TES: variants seen among roughly 807,000 people sequenced by gnomAD.
TES encodes the protein testin.
Under a neutral mutation model 48.2 loss-of-function variants are expected in TES, and 41 were observed. The observed-to-expected ratio is 0.85, with a 90% CI of 0.66 to 1.10. The LOEUF is 1.10. TES is among the 50% of genes least tolerant of loss of function. The probability of loss-of-function intolerance (pLI) is 0.00; values close to 1 mark genes in which losing one functional copy is unlikely to be tolerated. For synonymous variants in TES, 162 were observed against 174.9 expected (o/e 0.93, Z 0.58); for missense variants, 463 against 515.1 (o/e 0.90, Z 0.98).
At chr7:116,227,084 T>C (rs1018723232) in intron 1 of TES, among the ~76,000 whole-genome samples, 4 of 145,212 alleles carry the variant, frequency 2.8e-5, no homozygotes, top group African/African-American at 1.0e-4. Flanking sequence ...ACCTACACTT[T>C]TTATTTTATT....
intron 2 of TES, among the ~76,000 whole-genome samples, chr7:116,242,811 T>C (rs953092220): frequency 1.3e-5 from 2 of 152,208 alleles, no homozygotes; most frequent in African/African-American, 4.8e-5. Context: ...CATCTGTGAA[T>C]AGCAACAGTT....
At chr7:116,251,697 A>T in intron 4 of TES, 63 bp from the exon 5 acceptor site, 1 of 1,348,980 alleles carries the variant, frequency 7.4e-7, no homozygotes, top group South Asian at 1.3e-5. Context: ...AAAAAAAAAG[A>T]AAGAAAGAAA....
Position 116,257,392 on chromosome 7 carries a change from TTGC to T in TES, c.1180_1182del (p.Cys394del). On this transcript the variant is annotated inframe_deletion, in exon 7 of 7. Transcript: ENST00000358204. The stretch of plus-strand genomic sequence containing the variant: ...CATCCACAGAGTGCTTTCTGTGCTC[TTGC>T]TGCAGCAAATGCCTCATTGGGCAGA... 1.2e-6 allele frequency: 2 copies of T among 1,614,140 alleles called. No homozygotes were observed. Among genetic ancestry groups the T allele is most frequent in the South Asian group, 2.2e-5 (2 of 91,082 alleles).
At chr7:116,247,016 G>A (rs73719151) in intron 2 of TES, among the ~76,000 whole-genome samples, 19,461 of 146,720 alleles carry the variant, frequency 0.13, 1,286 homozygotes, top group South Asian at 0.18. Context: ...ATGGGCACTC[G>A]TGTATGTTGC....
intron 2 of TES, among the ~76,000 whole-genome samples, chr7:116,239,671 C>T (rs936389718): frequency 7.2e-5 from 11 of 152,188 alleles, no homozygotes; most frequent in African/African-American, 2.7e-4. Context: ...CACAGACATC[C>T]TTGTGGACAA....
At chr7:116,227,740 GCACA>G (rs974620466) in intron 1 of TES, among the ~76,000 whole-genome samples, 1 of 151,938 alleles carries the variant, frequency 6.6e-6, no homozygotes, top group Non-Finnish European at 1.5e-5. Context: ...AAACATGCAT[GCACA>G]CACACACTGA....
intron 1 of TES, among the ~76,000 whole-genome samples, chr7:116,231,716 T>G (rs979571648): frequency 7.9e-5 from 12 of 152,328 alleles, no homozygotes; most frequent in Non-Finnish European, 1.5e-4. Context: ...AGATGAAGCC[T>G]CCTGGTAGCA....
At chr7:116,213,067 TC>T (rs904258285) in intron 1 of TES, among the ~76,000 whole-genome samples, 20 of 152,304 alleles carry the variant, frequency 1.3e-4, no homozygotes, top group African/African-American at 4.8e-4. Context: ...ACAAAAAGTT[TC>T]CCAGTACAAA....
At chr7:116,245,541 C>G (rs1039002712) in intron 2 of TES, among the ~76,000 whole-genome samples, 5 of 152,178 alleles carry the variant, frequency 3.3e-5, no homozygotes, top group African/African-American at 4.8e-5. Context: ...CCCACATCTT[C>G]CTGTCTTCTG....
chr7:116,223,793 G>T (rs978468396), intron 1 of TES, among the ~76,000 whole-genome samples: 1 of 152,276 alleles, frequency 6.6e-6, no homozygotes, highest in Middle Eastern at 3.4e-3. Context: ...TGGTAGATAA[G>T]TACCCCATAT....
chr7:116,210,553 G>C lies in TES; in HGVS notation c.-155G>C. 2 of 815,160 alleles carry C rather than the reference G, an allele frequency of 2.5e-6. No homozygotes were observed. The highest frequency in any genetic ancestry group is 1.7e-6 in the Non-Finnish European group (1 of 598,142). The allele number at this position is 815,160 out of a possible 1,614,324, so 50.5% of individuals were successfully genotyped here. On this transcript the variant is annotated 5_prime_UTR_variant, in exon 1 of 7. Transcript: ENST00000358204. Reference sequence around the variant, plus strand: ...GCCGCAGGCCCGCTGCGGCGGACTGGGCGGCGGAAGTTCGACGGCGCCGGG... The same window carrying C: ...GCCGCAGGCCCGCTGCGGCGGACTGCGCGGCGGAAGTTCGACGGCGCCGGG...
Position 116,254,754 on chromosome 7 carries a change from ATATATG to A in TES, c.1077+2280_1077+2285del, listed in dbSNP as rs1189743874. On this transcript the variant is annotated intron_variant, in intron 6 of 6. Coordinates refer to ENST00000358204, the MANE Select transcript of TES (RefSeq NM_015641.4). Reference sequence around the variant, plus strand: ...ACACTCCGTCTCAAAAAAAATATATATATATGTGTGTGTGTGTGTGTGTGTGTGTGT... The same window carrying A: ...ACACTCCGTCTCAAAAAAAATATATATGTGTGTGTGTGTGTGTGTGTGTGT... Among the ~76,000 whole-genome samples, 163 of 119,316 alleles carry A rather than the reference ATATATG, an allele frequency of 1.4e-3. 1 individual carries two copies. Among genetic ancestry groups the A allele is most frequent in the Middle Eastern group, 4.2e-3 (1 of 240 alleles). 78.3% of individuals were successfully genotyped at this position (119,316 alleles called of 152,430 possible).
chr7:116,254,375 G>T (rs946976950), intron 6 of TES, among the ~76,000 whole-genome samples: 2 of 151,944 alleles, frequency 1.3e-5, no homozygotes. Flanking sequence ...CTAATCAATG[G>T]CAGGGTATAA....
chr7:116,256,950 C>T (rs1272227274), intron 6 of TES, among the ~76,000 whole-genome samples: 1 of 152,182 alleles, frequency 6.6e-6, no homozygotes, highest in African/African-American at 2.4e-5. Context: ...AAATCATAAA[C>T]TTCTGTGTAA....
intron 1 of TES, among the ~76,000 whole-genome samples, chr7:116,228,682 T>A (rs1799655330): frequency 6.6e-6 from 1 of 152,134 alleles, no homozygotes; most frequent in Non-Finnish European, 1.5e-5. Flanking sequence ...CTTCTGAGAG[T>A]CATTAATATA....
chr7:116,226,942 A>G (rs1799628413), intron 1 of TES, among the ~76,000 whole-genome samples: 1 of 152,184 alleles, frequency 6.6e-6, no homozygotes, highest in Non-Finnish European at 1.5e-5. Context: ...AGAAAGAGAA[A>G]TGTAGCAGAT....
chr7:116,247,026 C>T (rs772482955), intron 2 of TES, among the ~76,000 whole-genome samples: 7 of 145,508 alleles, frequency 4.8e-5, no homozygotes, highest in Admixed American at 2.1e-4. Flanking sequence ...GTGTATGTTG[C>T]ATGAATGAAT....
At chr7:116,228,008 G>GTTTTTTTTT (rs77777605) in intron 1 of TES, among the ~76,000 whole-genome samples, 9 of 122,958 alleles carry the variant, frequency 7.3e-5, no homozygotes, top group Non-Finnish European at 8.7e-5. Context: ...TCTTTTTTTT[G>GTTTTTTTTT]TTTTTTTTTT....
In TES at chr7:116,210,706, A is replaced by G. The variant is rs11549786; in HGVS notation, c.-2A>G. ...AGGAGGGGACCCATAGGACGCGTTA[A>G]CATGGACCTGGAAAACAAAGTGAAG... On this transcript the variant is annotated 5_prime_UTR_variant, in exon 1 of 7. Coordinates refer to ENST00000358204, the MANE Select transcript of TES (RefSeq NM_015641.4). The G allele has an allele frequency of 2.9e-5, 37 of 1,268,842 alleles. No individual in the cohort carries two copies. The highest frequency in any genetic ancestry group is 3.7e-5 in the Non-Finnish European group (37 of 996,762). 78.6% of individuals were successfully genotyped at this position (1,268,842 alleles called of 1,614,324 possible). A position where few individuals can be genotyped will look rare whatever the true frequency, so the allele number is the denominator to read the frequency against.
Sources: gnomAD v4.1 joint callset for allele counts (sites outside exome capture counted in the v4.1 genomes callset) on GRCh38, gnomAD v4.1.1 for gene constraint, MANE v1.5 for transcripts, NCBI Gene and HGNC (gene_info 2026-07-23, HGNC 2026-07-21) for gene names.